UTP6: variants seen among roughly 807,000 people sequenced by gnomAD.
The protein encoded by UTP6 is UTP6 small subunit processome component.
A neutral mutation model predicts 96.5 loss-of-function variants in UTP6; 60 were observed. The observed-to-expected ratio is 0.62, with a 90% CI of 0.51 to 0.77. UTP6 has a LOEUF of 0.77. Among genes scored for constraint, UTP6 ranks in the 30% least tolerant of loss-of-function variants. UTP6 has a pLI of 0.00. For missense variants in UTP6, 637 were observed against 706.5 expected (o/e 0.90, Z 1.12); for synonymous variants, 215 against 240.1 (o/e 0.90, Z 0.96).
intron 16 of UTP6, among the ~76,000 whole-genome samples, chr17:31,872,854 G>T (rs1487337321): frequency 6.9e-6 from 1 of 145,818 alleles, no homozygotes; most frequent in African/African-American, 2.5e-5. Context: ...AAAATTAGCC[G>T]GGCGTGGTGT....
At chr17:31,878,564 G>T in intron 12 of UTP6, 138 bp downstream of exon 12, 1 of 890,264 alleles carries the variant, frequency 1.1e-6, no homozygotes, top group Non-Finnish European at 1.7e-6. Context: ...AGAATGTCAC[G>T]TCACCCACAA....
chr17:31,889,495 ATTTTTTT>A, intron 6 of UTP6, 92 bp from the exon 7 acceptor site: 1 of 536,728 alleles, frequency 1.9e-6, no homozygotes, highest in Non-Finnish European at 3.0e-6. Context: ...TACTCGCACA[ATTTTTTT>A]TTTTTTTTTT....
chr17:31,875,019 T>C (rs1289265572), intron 14 of UTP6, among the ~76,000 whole-genome samples: 1 of 151,822 alleles, frequency 6.6e-6, no homozygotes, highest in Non-Finnish European at 1.5e-5. Flanking sequence ...GATATCTAAA[T>C]AGAATAGGAA....
At chr17:31,894,545 A>G in intron 4 of UTP6, 100 bp downstream of exon 4, 1 of 814,514 alleles carries the variant, frequency 1.2e-6, no homozygotes, top group Non-Finnish European at 1.9e-6. Flanking sequence ...GTATAAAGAT[A>G]CCCAAGATAA....
Position 31,899,738 on chromosome 17 carries a change from G to A in UTP6, c.93-8C>T, listed in dbSNP as rs372690674. On this transcript the variant is annotated splice_polypyrimidine_tract_variant and splice_region_variant and intron_variant, in intron 1 of 18. Transcript: ENST00000261708. ...GCCTTCTTAATGATAGCCCTGAGGA[G>A]AAAGCCATTTAAACTTCACTTGAAA... The A allele has an allele frequency of 2.6e-6, 4 of 1,552,840 alleles. No individual in the cohort carries two copies. The African/African-American group carries it at 5.5e-5, about 22-fold the overall frequency.
chr17:31,867,234 G>A (rs556567419), intron 17 of UTP6, among the ~76,000 whole-genome samples: 1 of 152,282 alleles, frequency 6.6e-6, no homozygotes, highest in South Asian at 2.1e-4. Context: ...CCTGCCAGGC[G>A]TGCTGGCTCA....
chr17:31,886,819 T>C (rs1911171468), intron 8 of UTP6, among the ~76,000 whole-genome samples: 1 of 152,210 alleles, frequency 6.6e-6, no homozygotes, highest in Admixed American at 6.5e-5. Context: ...TTCACAACCT[T>C]TCTCAAGCTC....
intron 4 of UTP6, 106 bp from the exon 5 acceptor site, chr17:31,892,900 C>A: frequency 7.6e-7 from 1 of 1,312,388 alleles, no homozygotes; most frequent in Non-Finnish European, 1.1e-6. Flanking sequence ...AGGTTGGATG[C>A]GGTGGCTCAC....
At chr17:31,883,261 CATTTT>C (rs1250037683) in intron 10 of UTP6, among the ~76,000 whole-genome samples, 2 of 150,818 alleles carry the variant, frequency 1.3e-5, no homozygotes. Context: ...GTATAACTCT[CATTTT>C]ATGGATAAAT....
At chr17:31,891,277 C>A (rs1293163018) in intron 6 of UTP6, among the ~76,000 whole-genome samples, 1 of 152,152 alleles carries the variant, frequency 6.6e-6, no homozygotes, top group African/African-American at 2.4e-5. Context: ...CCATGCCCAT[C>A]CATGGGGCTT....
intron 6 of UTP6, among the ~76,000 whole-genome samples, chr17:31,891,323 T>G (rs1911477182): frequency 6.6e-6 from 1 of 152,146 alleles, no homozygotes; most frequent in Non-Finnish European, 1.5e-5. Flanking sequence ...ACTGATATGA[T>G]CTCATCTCCT....
At chr17:31,870,932 C>G (rs905228403) in intron 16 of UTP6, among the ~76,000 whole-genome samples, 1 of 151,728 alleles carries the variant, frequency 6.6e-6, no homozygotes, top group Non-Finnish European at 1.5e-5. Context: ...CCTCTGACTT[C>G]AGCTTCCCAA....
In UTP6 at chr17:31,873,802, C is replaced by T. The variant is rs375656747; in HGVS notation, c.1306-49G>A. ...AGTTAGAGAACAGCATATAACAAAA[C>T]ATCGCATGTACCCTATAAATATGTA... On this transcript the variant is annotated intron_variant, in intron 14 of 18. Coordinates refer to ENST00000261708, the MANE Select transcript of UTP6 (RefSeq NM_018428.3). 1.0e-5 allele frequency: 16 copies of T among 1,560,070 alleles called. No individual in the cohort carries two copies. In the African/African-American group the frequency reaches 1.2e-4, roughly 12 times the overall value.
In UTP6 at chr17:31,901,655, T is replaced by C. The variant is rs1904989216; in HGVS notation, c.-28A>G. On this transcript the variant is annotated 5_prime_UTR_variant, in exon 1 of 19. Coordinates refer to ENST00000261708, the MANE Select transcript of UTP6 (RefSeq NM_018428.3). ...GGTCCGAGGTCTACAACCCCGCGGG[T>C]AGCTTCTCAACAGCGAACACGAGCA... 7 of 1,599,314 alleles carry C rather than the reference T, an allele frequency of 4.4e-6. No homozygotes were observed. Among genetic ancestry groups the C allele is most frequent in the South Asian group, 2.2e-5 (2 of 90,826 alleles).
At chr17:31,868,761 G>A (rs977972186) in intron 16 of UTP6, among the ~76,000 whole-genome samples, 33 of 152,076 alleles carry the variant, frequency 2.2e-4, no homozygotes, top group Admixed American at 5.9e-4. Flanking sequence ...TTTCTAATAT[G>A]GACAAATATT....
At chr17:31,899,782 T>C (rs1021262699) in intron 1 of UTP6, 52 bp from the exon 2 acceptor site, 3 of 1,268,070 alleles carry the variant, frequency 2.4e-6, no homozygotes, top group Non-Finnish European at 3.3e-6. Context: ...AATTAAACGT[T>C]TAAGTTTATT....
intron 10 of UTP6, among the ~76,000 whole-genome samples, chr17:31,882,452 C>T (rs1910901487): frequency 2.0e-5 from 3 of 151,954 alleles, no homozygotes. Context: ...TCCTGAGTAG[C>T]TGGGATTACA....
At chr17:31,893,353 G>A (rs942206952) in intron 4 of UTP6, among the ~76,000 whole-genome samples, 2 of 150,852 alleles carry the variant, frequency 1.3e-5, no homozygotes, top group Non-Finnish European at 2.9e-5. Flanking sequence ...TTGAACCTAG[G>A]AGGCGAAGGT....
chr17:31,876,702 C>T (rs1186244264), intron 13 of UTP6, among the ~76,000 whole-genome samples: 1 of 151,414 alleles, frequency 6.6e-6, no homozygotes, highest in African/African-American at 2.4e-5. Context: ...CACATGCTCA[C>T]CAAACAGAGG....
Sources: gnomAD v4.1 joint callset for allele counts (sites outside exome capture counted in the v4.1 genomes callset) on GRCh38, gnomAD v4.1.1 for gene constraint, MANE v1.5 for transcripts, NCBI Gene and HGNC (gene_info 2026-07-23, HGNC 2026-07-21) for gene names.